Variants in NID1 observed in about 807,000 individuals in gnomAD.
The protein encoded by NID1 is nidogen 1.
A neutral mutation model predicts 130.6 loss-of-function variants in NID1; 76 were observed. The ratio of observed to expected loss-of-function variants is 0.58; its 90% CI spans 0.48 to 0.70. NID1 has a LOEUF of 0.70. Ranked by LOEUF, NID1 falls within the 30% of genes least tolerant of loss-of-function variation. The probability of loss-of-function intolerance (pLI) is 0.00; values close to 1 mark genes in which losing one functional copy is unlikely to be tolerated. For missense variants in NID1, 1,517 were observed against 1,664.8 expected (o/e 0.91, Z 1.54); for synonymous variants, 665 against 675.1 (o/e 0.98, Z 0.23).
chr1:235,988,292 T>A (rs1192657446), intron 14 of NID1, among the ~76,000 whole-genome samples: 2 of 152,176 alleles, frequency 1.3e-5, no homozygotes, highest in Non-Finnish European at 2.9e-5. Context: ...GAAAAGATGT[T>A]CAGTGTCATA....
At chr1:235,992,869 G>A (rs1375069747) in intron 13 of NID1, among the ~76,000 whole-genome samples, 4 of 152,182 alleles carry the variant, frequency 2.6e-5, no homozygotes, top group Non-Finnish European at 2.9e-5. Flanking sequence ...CATTATATTC[G>A]CTTTTGGTAG....
At chr1:236,021,596 C>T (rs975901650) in intron 9 of NID1, among the ~76,000 whole-genome samples, 1 of 152,182 alleles carries the variant, frequency 6.6e-6, no homozygotes, top group South Asian at 2.1e-4. Flanking sequence ...TTCCCGAATT[C>T]TGAGACTGCT....
chr1:235,979,017 C>T lies in NID1; in HGVS notation c.3600G>A (p.Thr1200=), dbSNP rs374115348. Residue 1200 remains threonine (T), a synonymous_variant, in exon 19 of 20, where the codon ACG becomes ACA. Transcript: ENST00000264187. The surrounding 1 kb of genome is among the most constrained non-coding windows in gnomAD (Gnocchi z 4.6). The part of the protein sequence containing the change: ...HKQTRLYGIT[T]ALSQCPQGHN... ...TACCTTGCGGACACTGAGACAGGGC[C>T]GTGGTGATGCCATACAGCCGGGTCT... The T allele has an allele frequency of 3.1e-5, 50 of 1,613,342 alleles. No individual in the cohort carries two copies. The highest frequency in any genetic ancestry group is 1.8e-4 in the Admixed American group (11 of 59,986).
At chr1:236,041,403 A>G (rs1053909529) in intron 4 of NID1, among the ~76,000 whole-genome samples, 1 of 152,042 alleles carries the variant, frequency 6.6e-6, no homozygotes, top group African/African-American at 2.4e-5. Context: ...TGATATATAT[A>G]TATTTTTTAA....
intron 1 of NID1, among the ~76,000 whole-genome samples, chr1:236,052,218 A>G (rs59691729): frequency 0.04 from 6,154 of 152,286 alleles, 395 homozygotes; most frequent in African/African-American, 0.14. Flanking sequence ...CTTGGGTGCA[A>G]GTCTCATTTT....
At chr1:236,049,615 G>A (rs1374379880) in intron 1 of NID1, among the ~76,000 whole-genome samples, 2 of 152,216 alleles carry the variant, frequency 1.3e-5, no homozygotes, top group Admixed American at 1.3e-4. Flanking sequence ...AAGCAAATCT[G>A]TATGGGGCAT....
At chr1:235,978,891 G>A (rs1657349022) in intron 19 of NID1, 104 bp downstream of exon 19, 2 of 749,254 alleles carry the variant, frequency 2.7e-6, no homozygotes, top group Non-Finnish European at 4.7e-6. Context: ...CTCTCTTACG[G>A]CATAATCAAG....
At chr1:236,035,702 C>T (rs1164912467) in intron 5 of NID1, among the ~76,000 whole-genome samples, 1 of 152,180 alleles carries the variant, frequency 6.6e-6, no homozygotes, top group African/African-American at 2.4e-5. Context: ...GGATCAGCTG[C>T]GTTCTGATGA....
chr1:235,995,652 G>A (rs1657899356), intron 12 of NID1, among the ~76,000 whole-genome samples: 1 of 152,134 alleles, frequency 6.6e-6, no homozygotes, highest in Non-Finnish European at 1.5e-5. Context: ...TTTTGTGACT[G>A]TCCTTCTCCC....
At position 236,013,590 on chromosome 1, in the gene NID1, T is replaced by C. The variant is rs755759564; in HGVS notation, c.2255-30A>G. ...AGAACAAAAGGTTGATGCACAGTCT[T>C]AGGAAGAAAGTCCCCTGAGCAGGCC... On this transcript the variant is annotated intron_variant, in intron 10 of 19. Coordinates refer to ENST00000264187, the MANE Select transcript of NID1 (RefSeq NM_002508.3). The C allele has an allele frequency of 3.7e-6, 6 of 1,613,776 alleles. No individual in the cohort carries two copies. The African/African-American group carries it at 5.3e-5, about 14-fold the overall frequency.
intron 14 of NID1, among the ~76,000 whole-genome samples, chr1:235,986,298 A>C (rs565608656): frequency 8.5e-5 from 13 of 152,322 alleles, no homozygotes; most frequent in African/African-American, 2.6e-4. Flanking sequence ...TTATGTAGAA[A>C]GTCATGGGGA....
intron 12 of NID1, among the ~76,000 whole-genome samples, chr1:236,009,247 C>T (rs1658339004): frequency 1.3e-5 from 2 of 152,174 alleles, no homozygotes; most frequent in Admixed American, 6.5e-5. Flanking sequence ...ACCTCTTGCC[C>T]TTTCTACCAT....
rs1261066957 is a variant in NID1, at chr1:235,993,760, C to T, written c.2640G>A (p.Ala880=). 3.7e-6 allele frequency: 6 copies of T among 1,613,914 alleles called. No homozygotes were observed. Among genetic ancestry groups the T allele is most frequent in the South Asian group, 1.1e-5 (1 of 91,072 alleles). ...ACTGGGTGGGCGCGTAGTGCCCGTG[C>T]GCATCGCACTCAGGAACGAACAGCC... ...PPGLFVPECD[A]HGHYAPTQCH... The change falls in exon 13 of 20, where the codon GCG becomes GCA. Residue 880 remains alanine, a synonymous_variant. Transcript: ENST00000264187.
chr1:236,007,904 C>T (rs1658295100), intron 12 of NID1, among the ~76,000 whole-genome samples: 1 of 146,338 alleles, frequency 6.8e-6, no homozygotes, highest in South Asian at 2.2e-4. Flanking sequence ...TGTTATGCAA[C>T]AATAGAGAAC....
intron 9 of NID1, among the ~76,000 whole-genome samples, chr1:236,020,096 C>T (rs1658720401): frequency 6.6e-6 from 1 of 150,672 alleles, no homozygotes; most frequent in South Asian, 2.1e-4. Flanking sequence ...GAAGCCAGGT[C>T]CTTAACCCTT....
At chr1:236,026,181 C>G in intron 7 of NID1, 40 bp from the exon 8 acceptor site, 1 of 1,605,902 alleles carries the variant, frequency 6.2e-7, no homozygotes, top group Non-Finnish European at 8.5e-7. Context: ...GGCAGGGAGA[C>G]AGAGGGAAGA....
Position 235,996,012 on chromosome 1 carries a change from G to A in NID1, c.2528-2140C>T, listed in dbSNP as rs137936538. Among the ~76,000 whole-genome samples the A allele has an allele frequency of 2.6e-3, 395 of 152,216 alleles. 1 individual carries two copies. The highest frequency in any genetic ancestry group is 5.5e-3 in the Admixed American group (84 of 15,282). ...TCTATAAAAAATAAAAACTTAGCTG[G>A]GTGTGGTGGCATGCACCTGTGGTCA... is the stretch of plus-strand genomic sequence containing the variant. On this transcript the variant is annotated intron_variant, in intron 12 of 19. Coordinates refer to ENST00000264187, the MANE Select transcript of NID1 (RefSeq NM_002508.3).
At chr1:236,053,088 C>T (rs902570836) in intron 1 of NID1, among the ~76,000 whole-genome samples, 11 of 152,214 alleles carry the variant, frequency 7.2e-5, no homozygotes, top group African/African-American at 2.7e-4. Flanking sequence ...GCTTTGCAAA[C>T]ATTTCTTCCC....
chr1:236,012,591 G>GAAAAT (rs1658464994), intron 11 of NID1, among the ~76,000 whole-genome samples: 1 of 110,644 alleles, frequency 9.0e-6, no homozygotes, highest in East Asian at 3.1e-4. Context: ...AGAAAGAAAA[G>GAAAAT]AATGTTTTCA....
Sources: gnomAD v4.1 joint callset for allele counts (sites outside exome capture counted in the v4.1 genomes callset) on GRCh38, gnomAD v4.1.1 for gene constraint, Gnocchi (gnomAD v3.1) non-coding constraint, MANE v1.5 for transcripts, NCBI Gene and HGNC (gene_info 2026-07-23, HGNC 2026-07-21) for gene names.